UNC13C: variants seen among roughly 807,000 people sequenced by gnomAD.
The protein encoded by UNC13C is protein unc-13 homolog C.
A neutral mutation model predicts 245.4 loss-of-function variants in UNC13C; 174 were observed. The observed-to-expected ratio is 0.71, with a 90% confidence interval of 0.63 to 0.80. The LOEUF (loss-of-function observed/expected upper bound fraction) is 0.80, where lower values mean the gene tolerates loss of function less well. UNC13C is among the 30% of genes least tolerant of loss of function. UNC13C has a pLI of 0.00. For missense variants in UNC13C, 2,829 were observed against 2,602.9 expected (o/e 1.09, Z -1.89); for synonymous variants, 992 against 895.1 (o/e 1.11, Z -1.93).
chr15:54,199,345 C>A (rs1364000371), intron 4 of UNC13C, among the ~76,000 whole-genome samples: 1 of 152,064 alleles, frequency 6.6e-6, no homozygotes, highest in Non-Finnish European at 1.5e-5. Flanking sequence ...TTCAATAAAC[C>A]TGGGAAATTC....
chr15:54,105,599 A>G (rs1261334955), intron 2 of UNC13C, among the ~76,000 whole-genome samples: 2 of 152,176 alleles, frequency 1.3e-5, no homozygotes, highest in African/African-American at 2.4e-5. Flanking sequence ...CAGGTGACTA[A>G]GGAATAGAAA....
intron 30 of UNC13C, among the ~76,000 whole-genome samples, chr15:54,569,800 A>AT (rs1342495324): frequency 6.0e-5 from 9 of 150,818 alleles, no homozygotes; most frequent in East Asian, 3.9e-4. Context: ...TGAGTATTCA[A>AT]TTTTTTTTTC....
chr15:53,897,392 C>A, the UNC13C span, among the ~76,000 whole-genome samples: 1 of 152,176 alleles, frequency 6.6e-6, no homozygotes, highest in Non-Finnish European at 1.5e-5. Flanking sequence ...GCTTTGGGAA[C>A]TTTTTCGAGT....
At chr15:54,518,905 A>G (rs991552888) in intron 24 of UNC13C, among the ~76,000 whole-genome samples, 5 of 152,136 alleles carry the variant, frequency 3.3e-5, no homozygotes, top group East Asian at 1.9e-4. Flanking sequence ...TACCCAGTCC[A>G]TTTTCACAAT....
chr15:53,977,719 T>G (rs1464269688), upstream of UNC13C, among the ~76,000 whole-genome samples: 1 of 152,136 alleles, frequency 6.6e-6, no homozygotes, highest in Non-Finnish European at 1.5e-5. Flanking sequence ...TGATGGAAAG[T>G]GGGAACTGTT....
the UNC13C span, among the ~76,000 whole-genome samples, chr15:53,876,926 G>T: frequency 6.6e-6 from 1 of 152,184 alleles, no homozygotes; most frequent in African/African-American, 2.4e-5. Flanking sequence ...GAGATAGATA[G>T]ATAGAGATGT....
intron 2 of UNC13C, among the ~76,000 whole-genome samples, chr15:54,134,052 G>A (rs1196481922): frequency 6.0e-5 from 2 of 33,094 alleles, no homozygotes; most frequent in African/African-American, 1.2e-4. Flanking sequence ...TGAGTTACGT[G>A]TGTGTGTGTG....
At chr15:54,424,158 G>A (rs2040709295) in intron 19 of UNC13C, among the ~76,000 whole-genome samples, 1 of 151,348 alleles carries the variant, frequency 6.6e-6, no homozygotes, top group Non-Finnish European at 1.5e-5. Context: ...TAAATCAAAT[G>A]AATCACAAGC....
chr15:54,274,459 A>T (rs2140905864), intron 10 of UNC13C, among the ~76,000 whole-genome samples: 2 of 152,236 alleles, frequency 1.3e-5, no homozygotes, highest in Middle Eastern at 6.8e-3. Flanking sequence ...GATTGTTGTT[A>T]TCATTTTACA....
intron 2 of UNC13C, among the ~76,000 whole-genome samples, chr15:54,029,778 C>A (rs1896277697): frequency 6.6e-6 from 1 of 152,172 alleles, no homozygotes; most frequent in African/African-American, 2.4e-5. Flanking sequence ...TTCCCGGGAC[C>A]CTATGCGGCC....
chr15:54,485,562 C>G (rs1173530831), intron 19 of UNC13C, among the ~76,000 whole-genome samples: 1 of 152,232 alleles, frequency 6.6e-6, no homozygotes, highest in African/African-American at 2.4e-5. Flanking sequence ...CTTCTGTTCA[C>G]CAGATAGCAA....
At chr15:54,224,221 G>A (rs1265939166) in intron 4 of UNC13C, among the ~76,000 whole-genome samples, 4 of 152,100 alleles carry the variant, frequency 2.6e-5, no homozygotes, top group Non-Finnish European at 4.4e-5. Context: ...TGATCTTAAA[G>A]GAAAGGTTTT....
intron 1 of UNC13C, among the ~76,000 whole-genome samples, chr15:54,005,787 AC>A (rs1895107268): frequency 6.6e-6 from 1 of 152,222 alleles, no homozygotes; most frequent in African/African-American, 2.4e-5. Flanking sequence ...CAAGAATAAA[AC>A]AATGGAAGAA....
At chr15:54,496,877 T>A (rs938478904) in intron 20 of UNC13C, among the ~76,000 whole-genome samples, 1 of 152,064 alleles carries the variant, frequency 6.6e-6, no homozygotes, top group Non-Finnish European at 1.5e-5. Flanking sequence ...AAACACTGCT[T>A]AGATAATGGG....
At chr15:54,175,574 G>A (rs1452013764) in intron 4 of UNC13C, among the ~76,000 whole-genome samples, 2 of 145,746 alleles carry the variant, frequency 1.4e-5, no homozygotes, top group Admixed American at 6.9e-5. Context: ...GCGTAGTGGC[G>A]CGATCTCGGC....
intron 19 of UNC13C, among the ~76,000 whole-genome samples, chr15:54,462,726 G>C (rs372175018): frequency 1.3e-5 from 2 of 152,212 alleles, no homozygotes; most frequent in African/African-American, 4.8e-5. Flanking sequence ...CGCCATGCCT[G>C]AGCCCCCCAA....
chr15:53,932,509 A>G, the UNC13C span, among the ~76,000 whole-genome samples: 2 of 152,230 alleles, frequency 1.3e-5, no homozygotes, highest in African/African-American at 2.4e-5. Context: ...AAGTGTTAAC[A>G]AGAAAATGAA....
At position 54,013,594 on chromosome 15, in the gene UNC13C, A is replaced by C; in HGVS notation, c.691A>C (p.Ser231Arg). The C allele has an allele frequency of 6.2e-7, 1 of 1,613,726 alleles. No homozygotes were observed. The highest frequency in any genetic ancestry group is 1.1e-5 in the South Asian group (1 of 91,048). ...GACAAATGCCCTGGAGCCAGGGTTC[A>C]GTTCCTCTGGCTGCATTAGCCAAAC... ...PKTNALEPGF[S>R]SSGCISQTHD... Residue 231 changes from serine (S) to arginine (R), a missense_variant, in exon 2 of 33, where the codon AGT becomes CGT. By Grantham distance (110) the Ser-to-Arg change is moderately radical. Coordinates refer to ENST00000260323, the MANE Select transcript of UNC13C (RefSeq NM_001080534.3).
At chr15:54,554,704 T>C (rs1269222935) in intron 28 of UNC13C, among the ~76,000 whole-genome samples, 1 of 151,996 alleles carries the variant, frequency 6.6e-6, no homozygotes, top group African/African-American at 2.4e-5. Context: ...CCTGGGATGA[T>C]TGTATCAGTT....
Sources: gnomAD v4.1 joint callset for allele counts (sites outside exome capture counted in the v4.1 genomes callset) on GRCh38, gnomAD v4.1.1 for gene constraint, MANE v1.5 for transcripts, NCBI Gene and HGNC (gene_info 2026-07-23, HGNC 2026-07-21) for gene names.